The following TMEM170B variants were observed in gnomAD, a reference collection of about 807,000 sequenced individuals.
TMEM170B encodes transmembrane protein 170B.
Under a neutral mutation model 13.0 loss-of-function variants are expected in TMEM170B, and 6 were observed. The ratio of observed to expected loss-of-function variants is 0.46; its 90% CI spans 0.25 to 0.91. The LOEUF is 0.91. TMEM170B is among the 40% of genes least tolerant of loss of function. The pLI is 0.17. For synonymous variants in TMEM170B, 61 were observed against 64.9 expected, an observed-to-expected ratio of 0.94 and a Z score of 0.29; for missense variants, 138 against 165.2, an observed-to-expected ratio of 0.84 and a Z score of 0.90.
intron 1 of TMEM170B, among the ~76,000 whole-genome samples, chr6:11,538,624 G>A (rs1225423694): frequency 6.6e-6 from 1 of 152,168 alleles, no homozygotes; most frequent in Non-Finnish European, 1.5e-5. Context: ...CGCACGGGGA[G>A]AGCTCCCGGT....
chr6:11,547,601 T>G (rs1291853847), intron 1 of TMEM170B, among the ~76,000 whole-genome samples: 1 of 152,198 alleles, frequency 6.6e-6, no homozygotes, highest in East Asian at 1.9e-4. Flanking sequence ...TTCATAGGAT[T>G]TAACTTCTTA....
intron 1 of TMEM170B, among the ~76,000 whole-genome samples, chr6:11,545,278 C>CTGTGTGTGTGTGTGTGTGTGTG (rs1222024504): frequency 1.6e-4 from 14 of 89,740 alleles, no homozygotes; most frequent in African/African-American, 4.9e-4. Context: ...CTCTCTCTCT[C>CTGTGTGTGTGTGTGTGTGTGTG]TCTGTGTGTG....
Position 11,575,029 on chromosome 6 carries a change from G to A in TMEM170B, c.269-402G>A, listed in dbSNP as rs1430738083. ...TAATTTAGAAATTACATTAAATTAT[G>A]TTATTTTTCTGCATTATCACTTGTA... On this transcript the variant is annotated intron_variant, in intron 2 of 2. Transcript: ENST00000379426. The surrounding 1 kb of genome is among the most constrained non-coding windows in gnomAD (Gnocchi z 4.1). 6.6e-6 allele frequency among the ~76,000 whole-genome samples: 1 copy of A among 151,886 alleles called. No homozygotes were observed. The highest frequency in any genetic ancestry group is 1.5e-5 in the Non-Finnish European group (1 of 67,950).
rs748511709 is a variant in TMEM170B, at chr6:11,575,587, A to G, written c.*26A>G. ...GGTTTCTGTGGGAATGTCTTACTTC[A>G]CATAAGGAAACAGATGTACAGATTC... On this transcript the variant is annotated 3_prime_UTR_variant, in exon 3 of 3. Coordinates refer to ENST00000379426, the MANE Select transcript of TMEM170B (RefSeq NM_001100829.3). The surrounding 1 kb of genome is among the most constrained non-coding windows in gnomAD (Gnocchi z 4.1). 4 of 1,610,688 alleles carry G rather than the reference A, an allele frequency of 2.5e-6. No homozygotes were observed. The South Asian group carries it at 4.4e-5, about 18-fold the overall frequency.
Position 11,554,580 on chromosome 6 carries a change from G to T in TMEM170B, c.98-11086G>T, listed in dbSNP as rs191399358. 7.3e-4 allele frequency among the ~76,000 whole-genome samples: 111 copies of T among 152,160 alleles called. 2 individuals are homozygous for T. In the South Asian group the frequency reaches 7.5e-3, roughly 10 times the overall value. ...TTAACCTGATTTCTTTAAAGCAAAT[G>T]ATATTTTGATTGGTTTTAATTAAAA... On this transcript the variant is annotated intron_variant, in intron 1 of 2. Coordinates refer to ENST00000379426, the MANE Select transcript of TMEM170B (RefSeq NM_001100829.3).
rs539144462 is a variant in TMEM170B at position 11,555,676 on chromosome 6, T to C, written c.98-9990T>C. Among the ~76,000 whole-genome samples, 204 of 152,366 alleles carry C rather than the reference T, an allele frequency of 1.3e-3. 1 individual carries two copies. Among genetic ancestry groups the C allele is most frequent in the African/African-American group, 4.8e-3 (198 of 41,586 alleles). Reference sequence around the variant, plus strand: ...ATTCCCAATCTGTTCATGTGTGTTGTCTGCTTCTTCCACTAGAGACTTTAA... The same window carrying C: ...ATTCCCAATCTGTTCATGTGTGTTGCCTGCTTCTTCCACTAGAGACTTTAA... On this transcript the variant is annotated intron_variant, in intron 1 of 2. Transcript: ENST00000379426.
At chr6:11,542,593 G>T (rs1759377118) in intron 1 of TMEM170B, among the ~76,000 whole-genome samples, 2 of 152,196 alleles carry the variant, frequency 1.3e-5, no homozygotes, top group African/African-American at 4.8e-5. Flanking sequence ...GAAAGAAACA[G>T]ATTAGAAATA....
chr6:11,564,660 A>G (rs1257176424), intron 1 of TMEM170B, among the ~76,000 whole-genome samples: 1 of 152,214 alleles, frequency 6.6e-6, no homozygotes, highest in Non-Finnish European at 1.5e-5. Context: ...AAGGATGGTA[A>G]TGAGTCAGGC....
rs895035210 is a variant in TMEM170B, at chr6:11,557,965, A to G, written c.98-7701A>G. Among the ~76,000 whole-genome samples, 17 of 152,298 alleles carry G rather than the reference A, an allele frequency of 1.1e-4. No individual in the cohort carries two copies. In the South Asian group the frequency reaches 1.9e-3, roughly 17 times the overall value. On this transcript the variant is annotated intron_variant, in intron 1 of 2. Coordinates refer to ENST00000379426, the MANE Select transcript of TMEM170B (RefSeq NM_001100829.3). Reference sequence around the variant, plus strand: ...CACTCCATTGCCCAGGCTGGAGTGCAGTGGCACAATCATAGCTCACTGCAG... The same window carrying G: ...CACTCCATTGCCCAGGCTGGAGTGCGGTGGCACAATCATAGCTCACTGCAG...
In TMEM170B at chr6:11,575,328, G is replaced by A. The variant is rs952049543; in HGVS notation, c.269-103G>A. On this transcript the variant is annotated intron_variant, in intron 2 of 2. Coordinates refer to ENST00000379426, the MANE Select transcript of TMEM170B (RefSeq NM_001100829.3). This position sits in a 1 kb window ranked among gnomAD's most constrained non-coding sequence, Gnocchi z 4.1. The stretch of plus-strand genomic sequence containing the variant: ...GTGGATAAAATGAGAAAAAAATGAT[G>A]ACTTATGTTTTGATGAAATGAAAAG... 1 of 1,415,952 alleles carries A rather than the reference G, an allele frequency of 7.1e-7. No homozygotes were observed. 87.7% of individuals were successfully genotyped at this position (1,415,952 alleles called of 1,614,324 possible). A position where few individuals can be genotyped will look rare whatever the true frequency, so the allele number is the denominator to read the frequency against.
intron 2 of TMEM170B, among the ~76,000 whole-genome samples, chr6:11,570,646 A>G (rs1234529515): frequency 6.6e-6 from 1 of 152,174 alleles, no homozygotes; most frequent in Non-Finnish European, 1.5e-5. Context: ...AAAGGGGTTT[A>G]CAGGAGAATT....
rs1045868302 is a variant in TMEM170B, at chr6:11,578,138, C to T, written c.*2577C>T. 39 of 151,984 alleles carry T rather than the reference C, an allele frequency of 2.6e-4. No individual in the cohort carries two copies. The highest frequency in any genetic ancestry group is 9.4e-4 in the African/African-American group (39 of 41,442). 9.4% of individuals were successfully genotyped at this position (151,984 alleles called of 1,614,324 possible). On this transcript the variant is annotated 3_prime_UTR_variant, in exon 3 of 3. Coordinates refer to ENST00000379426, the MANE Select transcript of TMEM170B (RefSeq NM_001100829.3). ...TTCATGTTCTAGTGGAAAATTTGTT[C>T]AGTGTAATGATCTTTTAAATAGGTT...
chr6:11,562,380 A>G (rs950167027), intron 1 of TMEM170B, among the ~76,000 whole-genome samples: 6 of 150,644 alleles, frequency 4.0e-5, no homozygotes, highest in African/African-American at 1.5e-4. Flanking sequence ...AGTTTTGTCT[A>G]TATTTCCGTA....
Position 11,537,816 on chromosome 6 carries a change from C to T in TMEM170B, c.-462C>T, listed in dbSNP as rs926892644. ...GTGCCGCCGCAGCCTCTGGCTGGTCCCGCGTCTCCGTCCTCCGGCGGCGAT... is the reference window on the plus strand; with the variant it reads ...GTGCCGCCGCAGCCTCTGGCTGGTCTCGCGTCTCCGTCCTCCGGCGGCGAT... On this transcript the variant is annotated 5_prime_UTR_variant, in exon 1 of 3. Transcript: ENST00000379426. Among the ~76,000 whole-genome samples the T allele has an allele frequency of 2.6e-5, 4 of 151,604 alleles. No homozygotes were observed. The highest frequency in any genetic ancestry group is 7.3e-5 in the African/African-American group (3 of 41,346).
intron 1 of TMEM170B, among the ~76,000 whole-genome samples, chr6:11,565,160 A>T (rs1759718039): frequency 1.3e-5 from 2 of 152,166 alleles, no homozygotes; most frequent in South Asian, 4.1e-4. Context: ...TATCTGACTG[A>T]TTTTTTAGTA....
intron 1 of TMEM170B, among the ~76,000 whole-genome samples, chr6:11,545,280 C>CTCTGTGTGTGTGTGTG (rs1442789332): frequency 1.4e-3 from 200 of 139,798 alleles, no homozygotes; most frequent in South Asian, 2.0e-3. Flanking sequence ...CTCTCTCTCT[C>CTCTGTGTGTGTGTGTG]TGTGTGTGTG....
At position 11,545,280 on chromosome 6, in the gene TMEM170B, C is replaced by CTCTCTCTGTGTGTGTGTGTG. The variant is rs1442789332; in HGVS notation, c.97+6907_97+6908insCTCTCTGTGTGTGTGTGTGT. Among the ~76,000 whole-genome samples the CTCTCTCTGTGTGTGTGTGTG allele has an allele frequency of 7.3e-4, 102 of 139,812 alleles. No homozygotes were observed. In the Middle Eastern group the frequency reaches 0.011, roughly 15 times the overall value. The allele number at this position is 139,812 out of a possible 152,430, so 91.7% of individuals were successfully genotyped here. ...TTAAAAGGCTTCTCTCTCTCTCTCT[C>CTCTCTCTGTGTGTGTGTGTG]TGTGTGTGTGTGTGTGTGTGTGTGT... is the stretch of plus-strand genomic sequence containing the variant. On this transcript the variant is annotated intron_variant, in intron 1 of 2. Transcript: ENST00000379426.
intron 1 of TMEM170B, among the ~76,000 whole-genome samples, chr6:11,539,247 AAG>A (rs1759327530): frequency 6.6e-6 from 1 of 152,222 alleles, no homozygotes; most frequent in Admixed American, 6.5e-5. Flanking sequence ...ATTTACGAGA[AAG>A]AGATTCAGTT....
intron 1 of TMEM170B, among the ~76,000 whole-genome samples, chr6:11,559,759 A>G (rs998500422): frequency 1.3e-5 from 2 of 152,172 alleles, no homozygotes; most frequent in Non-Finnish European, 2.9e-5. Flanking sequence ...GAAATAACCC[A>G]ATTTGGACAC....
Sources: allele counts gnomAD v4.1 joint callset (sites outside exome capture counted in the v4.1 genomes callset), GRCh38; gene constraint gnomAD v4.1.1; non-coding constraint Gnocchi (gnomAD v3.1); transcripts MANE v1.5; gene names NCBI Gene and HGNC (gene_info 2026-07-23, HGNC 2026-07-21).